The following MYH7B variants were observed in gnomAD, a reference collection of about 807,000 sequenced individuals.
The protein encoded by MYH7B is myosin heavy chain 7B, also known as myosin-7B.
In MYH7B, 205 loss-of-function variants were observed where a neutral mutation model predicts 234.5. That is an observed-to-expected ratio of 0.87 (90% CI 0.78 to 0.98). The LOEUF (loss-of-function observed/expected upper bound fraction) is 0.98. Ranked by LOEUF, MYH7B falls within the 50% of genes least tolerant of loss-of-function variation. The pLI, the probability that MYH7B is intolerant of heterozygous loss-of-function variation, is 0.00. For missense variants in MYH7B, 2,652 were observed against 2,633.4 expected (o/e 1.01, Z -0.15); for synonymous variants, 1,193 against 1,105.0 (o/e 1.08, Z -1.58).
chr20:34,959,069 G>C (rs754478451), intron 2 of MYH7B, among the ~76,000 whole-genome samples: 1 of 152,206 alleles, frequency 6.6e-6, no homozygotes, highest in East Asian at 1.9e-4. Context: ...GGTAGAAATC[G>C]TATCTCCATT....
At chr20:34,980,370 G>A (rs2081923430) in intron 7 of MYH7B, 2 of 511,434 alleles carry the variant, frequency 3.9e-6, no homozygotes, top group South Asian at 5.1e-5. Flanking sequence ...CCAACATGGT[G>A]AAACCCCGTC....
At chr20:34,998,969 G>C (rs950371827) in intron 35 of MYH7B, 54 bp downstream of exon 35, 2 of 1,585,472 alleles carry the variant, frequency 1.3e-6, no homozygotes, top group African/African-American at 2.7e-5. Flanking sequence ...GCCTGTGCCT[G>C]AGCCCCGCTG....
At chr20:34,977,308 T>G (rs972784103) in intron 3 of MYH7B, among the ~76,000 whole-genome samples, 4 of 152,118 alleles carry the variant, frequency 2.6e-5, no homozygotes, top group Admixed American at 2.6e-4. Context: ...CTGAGTGTCC[T>G]TGCTCTCTGT....
chr20:34,989,838 G>T, exon 20 of MYH7B: 1 of 1,614,214 alleles, frequency 6.2e-7, no homozygotes, highest in Non-Finnish European at 8.5e-7. Context: ...ACGCGGGGAA[G>T]TCACCCAATT....
exon 6 of MYH7B, chr20:34,979,394 G>A: frequency 6.2e-7 from 1 of 1,612,474 alleles, no homozygotes; most frequent in Non-Finnish European, 8.5e-7. Context: ...ACCCAGGGAA[G>A]AAGCGAGTCT....
intron 3 of MYH7B, 77 bp downstream of exon 3, chr20:34,975,576 A>G: frequency 1.5e-6 from 1 of 688,010 alleles, no homozygotes; most frequent in Non-Finnish European, 2.7e-6. Flanking sequence ...TGCAGCCTTG[A>G]CTGTAATGGC....
chr20:34,977,807 G>A (rs1362391203), intron 4 of MYH7B, 127 bp downstream of exon 4: 36 of 1,494,918 alleles, frequency 2.4e-5, no homozygotes, highest in Middle Eastern at 2.4e-4. Context: ...GTTTGAGGGT[G>A]TGCATGTATG....
intron 2 of MYH7B, among the ~76,000 whole-genome samples, chr20:34,960,514 C>T (rs368206285): frequency 1.6e-3 from 249 of 152,318 alleles, no homozygotes; most frequent in African/African-American, 5.6e-3. Context: ...GGATTACAGG[C>T]GGGAGCCACC....
intron 28 of MYH7B, 42 bp downstream of exon 28, chr20:34,995,620 G>A (rs2082242476): frequency 1.9e-6 from 3 of 1,606,100 alleles, no homozygotes; most frequent in Non-Finnish European, 2.6e-6. Flanking sequence ...CTGAGCCAGG[G>A]GCCAGCTTTG....
chr20:34,979,003 C>T (rs1287907661), intron 5 of MYH7B, among the ~76,000 whole-genome samples: 1 of 152,100 alleles, frequency 6.6e-6, no homozygotes, highest in African/African-American at 2.4e-5. Context: ...GAAGGCAGGA[C>T]CCCTCCCTAA....
intron 16 of MYH7B, 125 bp from the exon 17 acceptor site, chr20:34,987,432 C>T (rs1216596667): frequency 1.4e-6 from 2 of 1,404,200 alleles, no homozygotes; most frequent in Non-Finnish European, 2.0e-6. Context: ...CCTCCTGAGG[C>T]TTTGTTTGCT....
chr20:35,001,810 T>C, intron 43 of MYH7B, 138 bp from the exon 44 acceptor site: 1 of 1,332,250 alleles, frequency 7.5e-7, no homozygotes, highest in South Asian at 1.4e-5. Context: ...CCCGCTGTGG[T>C]ATTGGTGAGG....
chr20:34,964,588 C>T (rs2081726414), intron 2 of MYH7B, among the ~76,000 whole-genome samples: 1 of 152,080 alleles, frequency 6.6e-6, no homozygotes, highest in Non-Finnish European at 1.5e-5. Context: ...TTGAATTTTC[C>T]AAGAAGGGAG....
intron 10 of MYH7B, among the ~76,000 whole-genome samples, chr20:34,984,249 T>C (rs1326033623): frequency 6.6e-6 from 1 of 152,184 alleles, no homozygotes; most frequent in Non-Finnish European, 1.5e-5. Context: ...TGTAAGGTCA[T>C]AGTGGGAGGT....
chr20:34,990,807 A>C, exon 23 of MYH7B: 1 of 1,614,030 alleles, frequency 6.2e-7, no homozygotes, highest in East Asian at 2.2e-5. Context: ...CATTGTCCCC[A>C]ACGAGAACAA....
At chr20:34,995,915 C>A (rs976894550) in intron 28 of MYH7B, among the ~76,000 whole-genome samples, 1 of 152,238 alleles carries the variant, frequency 6.6e-6, no homozygotes, top group African/African-American at 2.4e-5. Context: ...CGGCATCCCG[C>A]AGGTGACTTC....
exon 41 of MYH7B, chr20:35,001,080 G>A (rs2082368373): frequency 1.2e-6 from 2 of 1,613,812 alleles, no homozygotes; most frequent in Middle Eastern, 1.7e-4. Context: ...CGGTGCGCGA[G>A]CTCCAGGCCC....
At chr20:34,968,704 C>T (rs750422823) in intron 2 of MYH7B, among the ~76,000 whole-genome samples, 10 of 152,202 alleles carry the variant, frequency 6.6e-5, no homozygotes, top group Non-Finnish European at 1.2e-4. Flanking sequence ...CCCAGTGTGT[C>T]CTTTAGCCCT....
intron 30 of MYH7B, 23 bp downstream of exon 30, chr20:34,996,781 T>C (rs1327086226): frequency 6.2e-7 from 1 of 1,600,146 alleles, no homozygotes. Flanking sequence ...GGGCAGCAGG[T>C]GGGGGCCTTC....
Sources: allele counts gnomAD v4.1 joint callset (sites outside exome capture counted in the v4.1 genomes callset), GRCh38; gene constraint gnomAD v4.1.1; transcripts MANE v1.5; gene names NCBI Gene and HGNC (gene_info 2026-07-23, HGNC 2026-07-21).